Variants in DPP10 observed in about 807,000 individuals in gnomAD.
DPP10 encodes the protein dipeptidyl peptidase like 10.
In DPP10, 33 loss-of-function variants were observed where a neutral mutation model predicts 120.9. The ratio of observed to expected loss-of-function variants is 0.27; its 90% CI spans 0.21 to 0.37. DPP10 has a LOEUF of 0.37. Ranked by LOEUF, DPP10 falls within the 10% of genes least tolerant of loss-of-function variation. The pLI is 1.00. For synonymous variants in DPP10, 337 were observed against 326.1 expected (o/e 1.03, Z -0.36); for missense variants, 816 against 942.8 (o/e 0.87, Z 1.76).
At chr2:115,532,498 T>C (rs1174866173) in intron 5 of DPP10, among the ~76,000 whole-genome samples, 1 of 152,096 alleles carries the variant, frequency 6.6e-6, no homozygotes, top group Non-Finnish European at 1.5e-5. Context: ...AAGTGAAACA[T>C]ACTACAATAT....
chr2:115,590,292 T>C (rs1009889642), intron 5 of DPP10, among the ~76,000 whole-genome samples: 1 of 152,046 alleles, frequency 6.6e-6, no homozygotes. Context: ...ACATTAGGTA[T>C]ATCTCCTAAT....
intron 5 of DPP10, among the ~76,000 whole-genome samples, chr2:115,551,812 T>G (rs1395752133): frequency 6.6e-6 from 1 of 152,112 alleles, no homozygotes; most frequent in African/African-American, 2.4e-5. Context: ...TCACTCAAGT[T>G]ACAACCTACA....
chr2:115,273,220 A>G (rs996040834), intron 1 of DPP10, among the ~76,000 whole-genome samples: 25 of 152,034 alleles, frequency 1.6e-4, no homozygotes, highest in African/African-American at 6.0e-4. Flanking sequence ...ATATTTTTCA[A>G]TTTTATTCAT....
chr2:114,994,722 A>G (rs566400583), intron 1 of DPP10, among the ~76,000 whole-genome samples: 2 of 152,276 alleles, frequency 1.3e-5, no homozygotes, highest in South Asian at 2.1e-4. Context: ...GGGTCACACT[A>G]TGTGAAATGC....
chr2:114,756,104 A>C (rs1362804072), intron 1 of DPP10, among the ~76,000 whole-genome samples: 1 of 152,230 alleles, frequency 6.6e-6, no homozygotes, highest in Non-Finnish European at 1.5e-5. Context: ...ATGTTTTGAA[A>C]CTATAAAGAG....
intron 7 of DPP10, among the ~76,000 whole-genome samples, chr2:115,718,429 G>GA (rs1287645890): frequency 1.3e-5 from 2 of 152,036 alleles, no homozygotes; most frequent in Non-Finnish European, 2.9e-5. Context: ...ACAGAACCAT[G>GA]AAAAAAGTTA....
chr2:114,785,815 C>T (rs1330064134), intron 1 of DPP10, among the ~76,000 whole-genome samples: 1 of 152,156 alleles, frequency 6.6e-6, no homozygotes, highest in Non-Finnish European at 1.5e-5. Context: ...TCTAGTTATT[C>T]CACGTTAACC....
chr2:115,221,854 A>G (rs1014705501), intron 1 of DPP10, among the ~76,000 whole-genome samples: 64 of 147,542 alleles, frequency 4.3e-4, no homozygotes, highest in African/African-American at 1.6e-3. Flanking sequence ...TGGACAGCTG[A>G]TTTCTGTGTT....
At chr2:115,823,782 C>T (rs988540149) in intron 21 of DPP10, among the ~76,000 whole-genome samples, 31 of 152,102 alleles carry the variant, frequency 2.0e-4, no homozygotes, top group African/African-American at 7.0e-4. Context: ...AAGAAACTGC[C>T]ATAAATATGT....
intron 3 of DPP10, among the ~76,000 whole-genome samples, chr2:115,498,486 G>T (rs6732327): frequency 0.097 from 14,779 of 151,736 alleles, 1,349 homozygotes; most frequent in East Asian, 0.24. Context: ...CTGAGAGATT[G>T]TAACTTATAC....
intron 1 of DPP10, among the ~76,000 whole-genome samples, chr2:114,683,721 C>T (rs1033397807): frequency 6.6e-6 from 1 of 151,864 alleles, no homozygotes; most frequent in African/African-American, 2.4e-5. Flanking sequence ...CCTTCTACTA[C>T]TTGAGGACAG....
intron 1 of DPP10, among the ~76,000 whole-genome samples, chr2:115,245,083 G>A (rs572654490): frequency 6.6e-6 from 1 of 151,912 alleles, no homozygotes; most frequent in Admixed American, 6.6e-5. Context: ...TAATAACTGA[G>A]GACATGTGAT....
chr2:115,618,205 A>G (rs946832117), intron 5 of DPP10, among the ~76,000 whole-genome samples: 14 of 152,214 alleles, frequency 9.2e-5, no homozygotes, highest in African/African-American at 3.4e-4. Flanking sequence ...AACAAATAAT[A>G]TGCTTTCTAC....
intron 1 of DPP10, among the ~76,000 whole-genome samples, chr2:114,781,518 T>C (rs879593898): frequency 7.2e-5 from 11 of 152,244 alleles, no homozygotes; most frequent in East Asian, 3.9e-4. Context: ...TTTGAAAAGA[T>C]TCATTGATAG....
rs747858989 is a variant in DPP10 at position 115,717,695 on chromosome 2, C to T, written c.577-10121C>T. On this transcript the variant is annotated intron_variant, in intron 7 of 25. Coordinates refer to ENST00000410059, the MANE Select transcript of DPP10 (RefSeq NM_020868.6). ...TGAACAGGAGTTAGGAGGGCCTACA[C>T]GTTTTTGAACATAGGAATGTGTTCA... is the stretch of plus-strand genomic sequence containing the variant. 3.3e-5 allele frequency among the ~76,000 whole-genome samples: 5 copies of T among 152,230 alleles called. No individual in the cohort carries two copies. In the East Asian group the frequency reaches 5.8e-4, roughly 18 times the overall value.
chr2:115,594,968 A>G (rs1486001155), intron 5 of DPP10, among the ~76,000 whole-genome samples: 1 of 152,178 alleles, frequency 6.6e-6, no homozygotes, highest in African/African-American at 2.4e-5. Flanking sequence ...ACATTATTTT[A>G]TATTTCACAA....
intron 1 of DPP10, among the ~76,000 whole-genome samples, chr2:114,546,942 C>T (rs1687455909): frequency 6.6e-6 from 1 of 152,348 alleles, no homozygotes; most frequent in Admixed American, 6.5e-5. Flanking sequence ...GATCCCCAGA[C>T]TTCTCACTAA....
intron 5 of DPP10, among the ~76,000 whole-genome samples, chr2:115,534,547 T>C (rs1438489653): frequency 6.6e-6 from 1 of 152,090 alleles, no homozygotes; most frequent in East Asian, 1.9e-4. Context: ...TCTTTGCTAT[T>C]TTGAATAATG....
chr2:115,662,985 T>C (rs1047137883), intron 5 of DPP10, among the ~76,000 whole-genome samples: 1 of 73,902 alleles, frequency 1.4e-5, no homozygotes, highest in Non-Finnish European at 3.9e-5. Context: ...AGAGAAATTT[T>C]TATTTTTTAT....
Sources: allele counts gnomAD v4.1 joint callset (sites outside exome capture counted in the v4.1 genomes callset), GRCh38; gene constraint gnomAD v4.1.1; transcripts MANE v1.5; gene names NCBI Gene and HGNC (gene_info 2026-07-23, HGNC 2026-07-21).